The following USP47 variants were observed in gnomAD, a reference collection of about 807,000 sequenced individuals.
USP47 encodes ubiquitin carboxyl-terminal hydrolase 47.
USP47 carries 35 observed loss-of-function variants against 165.1 expected under a neutral mutation model. The ratio of observed to expected loss-of-function variants is 0.21; its 90% confidence interval spans 0.16 to 0.28. The LOEUF (loss-of-function observed/expected upper bound fraction) is 0.28. Among genes scored for constraint, USP47 ranks in the 10% least tolerant of loss-of-function variants. USP47 has a pLI of 1.00. For missense variants in USP47, 1,277 were observed against 1,607.4 expected, an observed-to-expected ratio of 0.79 and a Z score of 3.52; for synonymous variants, 531 against 544.5, an observed-to-expected ratio of 0.98 and a Z score of 0.35.
chr11:11,915,287 T>G (rs761482956), intron 8 of USP47, among the ~76,000 whole-genome samples: 9 of 152,198 alleles, frequency 5.9e-5, no homozygotes, highest in Non-Finnish European at 8.8e-5. Context: ...TATGACAACC[T>G]TTTAGAACTG....
chr11:11,875,982 C>A (rs955129149), intron 1 of USP47, among the ~76,000 whole-genome samples: 3 of 152,172 alleles, frequency 2.0e-5, no homozygotes, highest in Non-Finnish European at 4.4e-5. Flanking sequence ...TGAATGTAGC[C>A]ACAGAGCACT....
chr11:11,920,177 A>G lies in USP47; in HGVS notation c.991A>G (p.Ile331Val). The G allele has an allele frequency of 6.2e-7, 1 of 1,601,154 alleles. No individual in the cohort carries two copies. The highest frequency in any genetic ancestry group is 8.5e-7 in the Non-Finnish European group (1 of 1,173,912). Residue 331 changes from isoleucine (I) to valine (V), a missense_variant, in exon 9 of 28, where the codon ATT becomes GTT. Around this residue, in one of 4 missense-constraint regions of USP47, gnomAD observed 175 missense variants for 295.8 expected, o/e 0.59. Coordinates refer to ENST00000527733, the MANE Select transcript of USP47 (RefSeq NM_001282659.2). The stretch of plus-strand genomic sequence containing the variant: ...CTAGGAAGAAGCATTGCATGCATTT[A>G]TTCAGCCAGAGATTCTGGATGGCCC... ...ASVEEALHAFIQPEILDGPNQ... is the reference protein window; with the variant it reads ...ASVEEALHAFVQPEILDGPNQ...
rs1045153443 is a variant in USP47, at chr11:11,943,085, G to A, written c.3064G>A (p.Asp1022Asn). The change falls in exon 20 of 28, where the codon GAT (aspartate) becomes AAT (asparagine). Residue 1022 changes from aspartate (D) to asparagine (N), a missense_variant. Physicochemically the swap from Asp to Asn is conservative, Grantham distance 23 (BLOSUM62 1). Around this residue, in one of 4 missense-constraint regions of USP47, gnomAD observed 909 missense variants for 1,068.1 expected, o/e 0.85. Transcript: ENST00000527733. ...TTTCAAAGCTGAACCTTATGCTGCA[G>A]ATGAAGGTTCTGGGGAAGGACATAA... is the stretch of plus-strand genomic sequence containing the variant. ...MYFKAEPYAA[D>N]EGSGEGHKWL... is the part of the protein sequence containing the mutation. The A allele has an allele frequency of 4.3e-6, 7 of 1,612,616 alleles. No individual in the cohort carries two copies. Among genetic ancestry groups the A allele is most frequent in the Non-Finnish European group, 5.9e-6 (7 of 1,179,232 alleles).
chr11:11,915,924 C>T (rs894506694), intron 8 of USP47, among the ~76,000 whole-genome samples: 1 of 151,916 alleles, frequency 6.6e-6, no homozygotes, highest in African/African-American at 2.4e-5. Context: ...ACTCATTTCT[C>T]TATTCAAAAT....
intron 2 of USP47, among the ~76,000 whole-genome samples, chr11:11,881,016 C>T (rs1850793235): frequency 6.6e-6 from 1 of 152,110 alleles, no homozygotes; most frequent in African/African-American, 2.4e-5. Context: ...CGTCTGTTAA[C>T]TGTTTCCTTA....
Position 11,841,989 on chromosome 11 carries a change from T to TAGCGGCGGC in USP47, c.-196_-188dup. ...GGGCCGACGACGAAGGCGGCTGTGG[T>TAGCGGCGGC]AGCGGCGGCGGCGGCGGCGGAGCCC... On this transcript the variant is annotated 5_prime_UTR_variant, in exon 1 of 28. Coordinates refer to ENST00000527733, the MANE Select transcript of USP47 (RefSeq NM_001282659.2). 1 of 543,400 alleles carries TAGCGGCGGC rather than the reference T, an allele frequency of 1.8e-6. No individual in the cohort carries two copies. The highest frequency in any genetic ancestry group is 3.3e-5 in the East Asian group (1 of 29,934). The allele number at this position is 543,400 out of a possible 1,614,324, so 33.7% of individuals were successfully genotyped here.
At chr11:11,913,371 T>C (rs999535842) in intron 8 of USP47, among the ~76,000 whole-genome samples, 1 of 151,312 alleles carries the variant, frequency 6.6e-6, no homozygotes, top group Non-Finnish European at 1.5e-5. Context: ...AATGAACATG[T>C]AGAAAGTGAA....
intron 5 of USP47, among the ~76,000 whole-genome samples, chr11:11,899,810 A>G (rs555590090): frequency 6.6e-6 from 1 of 152,182 alleles, no homozygotes; most frequent in Non-Finnish European, 1.5e-5. Context: ...TTGTGAGAAT[A>G]GAGTGAAGTT....
chr11:11,854,290 G>A (rs1441204920), intron 1 of USP47, among the ~76,000 whole-genome samples: 2 of 146,674 alleles, frequency 1.4e-5, no homozygotes, highest in African/African-American at 4.9e-5. Context: ...TGTTATTTCA[G>A]TTAATACCTT....
chr11:11,911,531 A>G (rs1421305107), intron 8 of USP47, among the ~76,000 whole-genome samples: 1 of 152,200 alleles, frequency 6.6e-6, no homozygotes, highest in East Asian at 1.9e-4. Context: ...TTACATTGTA[A>G]TAAAAGTGTC....
At chr11:11,932,158 A>G (rs1590407561) in intron 14 of USP47, among the ~76,000 whole-genome samples, 2 of 152,100 alleles carry the variant, frequency 1.3e-5, no homozygotes, top group Non-Finnish European at 2.9e-5. Flanking sequence ...TCACATGGCA[A>G]AAGCAGGAGC....
At position 11,959,935 on chromosome 11, in the gene USP47, T is replaced by C. The variant is rs1590484796; in HGVS notation, c.*3760T>C. On this transcript the variant is annotated 3_prime_UTR_variant, in exon 28 of 28. Coordinates refer to ENST00000527733, the MANE Select transcript of USP47 (RefSeq NM_001282659.2). ...CCCACCTGCCCTCTCCCCACCTGTT[T>C]TCAGCCTCTTTTATAATGCTTAAGT... Among the ~76,000 whole-genome samples the C allele has an allele frequency of 6.6e-6, 1 of 152,290 alleles. No individual in the cohort carries two copies. The highest frequency in any genetic ancestry group is 2.1e-4 in the South Asian group (1 of 4,822).
intron 1 of USP47, among the ~76,000 whole-genome samples, chr11:11,873,351 TAAG>T (rs1259543638): frequency 3.9e-5 from 6 of 152,268 alleles, no homozygotes; most frequent in South Asian, 2.1e-4. Context: ...GTTAAACTCA[TAAG>T]AAGGAGATAT....
rs976339109 is a variant in USP47, at chr11:11,842,000, G to A, written c.-186G>A. On this transcript the variant is annotated 5_prime_UTR_variant, in exon 1 of 28. Coordinates refer to ENST00000527733, the MANE Select transcript of USP47 (RefSeq NM_001282659.2). ...GAAGGCGGCTGTGGTAGCGGCGGCG[G>A]CGGCGGCGGAGCCCTGGGTCGGTGT... 8.6e-5 allele frequency: 49 copies of A among 569,446 alleles called. No homozygotes were observed. The highest frequency in any genetic ancestry group is 5.0e-4 in the Middle Eastern group (1 of 1,986). 35.3% of individuals were successfully genotyped at this position (569,446 alleles called of 1,614,324 possible).
intron 1 of USP47, among the ~76,000 whole-genome samples, chr11:11,857,533 G>A (rs1358852534): frequency 6.6e-6 from 1 of 152,170 alleles, no homozygotes; most frequent in East Asian, 1.9e-4. Context: ...ACACAAAAAT[G>A]TTTCTACAGT....
At chr11:11,940,006 T>C (rs11824505) in intron 18 of USP47, among the ~76,000 whole-genome samples, 1,590 of 152,136 alleles carry the variant, frequency 0.01, 29 homozygotes, top group African/African-American at 0.036. Flanking sequence ...AAATTGCTTA[T>C]TGCTTTAATA....
In USP47 at chr11:11,930,708, A is replaced by G. The variant is rs185591441; in HGVS notation, c.1608A>G (p.Ala536=). Residue 536 remains alanine (A), a synonymous_variant, in exon 14 of 28, where the codon GCA becomes GCG. Transcript: ENST00000527733. ...ATGTTTCTACTAGTTCCACAAATGCATATATGCTGATCTATAGACTGAAGG... is the reference window on the plus strand; with the variant it reads ...ATGTTTCTACTAGTTCCACAAATGCGTATATGCTGATCTATAGACTGAAGG... ...YSSAFASSTN[A]YMLIYRLKDP... is the part of the protein sequence containing the mutation. 46 of 1,605,458 alleles carry G rather than the reference A, an allele frequency of 2.9e-5. No homozygotes were observed. The African/African-American group carries it at 5.9e-4, about 21-fold the overall frequency.
At chr11:11,946,714 A>C (rs1392151580) in intron 20 of USP47, among the ~76,000 whole-genome samples, 2 of 152,136 alleles carry the variant, frequency 1.3e-5, no homozygotes, top group African/African-American at 2.4e-5. Context: ...TTATTGACAT[A>C]GAGGGGCACT....
At position 11,952,802 on chromosome 11, in the gene USP47, A is replaced by G. The variant is rs372254285; in HGVS notation, c.3645A>G (p.Ser1215=). Residue 1215 remains serine, a synonymous_variant, in exon 25 of 28, where the codon TCA becomes TCG. Transcript: ENST00000527733. ...LAVLSRRWKP[S]EMKLDPFQEV... Reference sequence around the variant, plus strand: ...TTTTGTCAAGACGGTGGAAGCCTTCAGAGATGAAGTTGGATCCCTTCCAGG... The same window carrying G: ...TTTTGTCAAGACGGTGGAAGCCTTCGGAGATGAAGTTGGATCCCTTCCAGG... The G allele has an allele frequency of 3.7e-6, 6 of 1,613,206 alleles. No homozygotes were observed. The highest frequency in any genetic ancestry group is 1.7e-5 in the Admixed American group (1 of 59,962).
Sources: gnomAD v4.1 joint callset for allele counts (sites outside exome capture counted in the v4.1 genomes callset) on GRCh38, gnomAD v4.1.1 for gene constraint, gnomAD v4.1.1 regional missense constraint, MANE v1.5 for transcripts, NCBI Gene and HGNC (gene_info 2026-07-23, HGNC 2026-07-21) for gene names.